Variants in AGBL4 observed in about 807,000 individuals in gnomAD.
The protein encoded by AGBL4 is cytosolic carboxypeptidase 6.
AGBL4 carries 58 observed loss-of-function variants against 66.4 expected under a neutral mutation model. The observed-to-expected ratio is 0.87, with a 90% CI of 0.71 to 1.09. AGBL4 has a LOEUF of 1.09. AGBL4 is among the 50% of genes least tolerant of loss of function. The probability of loss-of-function intolerance (pLI) is 0.00; values close to 1 mark genes in which losing one functional copy is unlikely to be tolerated. For synonymous variants in AGBL4, 234 were observed against 222.9 expected (o/e 1.05, Z -0.44); for missense variants, 579 against 631.0 (o/e 0.92, Z 0.88).
At chr1:49,718,858 CATAAA>C (rs1648370767) in intron 2 of AGBL4, among the ~76,000 whole-genome samples, 1 of 152,024 alleles carries the variant, frequency 6.6e-6, no homozygotes, top group Non-Finnish European at 1.5e-5. Flanking sequence ...AGAAAAACTA[CATAAA>C]ATAATTTATT....
At chr1:49,094,503 A>G (rs147570895) in intron 4 of AGBL4, among the ~76,000 whole-genome samples, 1 of 152,164 alleles carries the variant, frequency 6.6e-6, no homozygotes, top group East Asian at 1.9e-4. Context: ...TGATTTGCAG[A>G]TGTTGAACTA....
chr1:49,855,981 T>G (rs1201641667), intron 1 of AGBL4, among the ~76,000 whole-genome samples: 1 of 151,480 alleles, frequency 6.6e-6, no homozygotes, highest in East Asian at 1.9e-4. Flanking sequence ...AAAGATAAAA[T>G]CGATAAACTG....
intron 3 of AGBL4, among the ~76,000 whole-genome samples, chr1:49,385,186 C>T (rs1027813022): frequency 6.6e-6 from 1 of 151,988 alleles, no homozygotes; most frequent in Non-Finnish European, 1.5e-5. Flanking sequence ...TATAGAGCTG[C>T]GTTTTTCAAG....
At chr1:49,901,716 A>T (rs1227875285) in intron 1 of AGBL4, among the ~76,000 whole-genome samples, 1 of 152,226 alleles carries the variant, frequency 6.6e-6, no homozygotes, top group African/African-American at 2.4e-5. Context: ...ACCAAAAAAG[A>T]ATCCAAATAG....
chr1:49,710,501 T>A (rs1307932195), intron 2 of AGBL4, among the ~76,000 whole-genome samples: 1 of 152,116 alleles, frequency 6.6e-6, no homozygotes, highest in Admixed American at 6.6e-5. Flanking sequence ...GACAGGTTGA[T>A]GGGTGCAGCA....
intron 6 of AGBL4, among the ~76,000 whole-genome samples, chr1:48,823,332 C>A (rs1427955984): frequency 6.6e-6 from 1 of 152,160 alleles, no homozygotes; most frequent in Non-Finnish European, 1.5e-5. Context: ...AACCAACATC[C>A]CCTGCTAAGT....
At chr1:48,563,440 G>A (rs1440302639) in intron 11 of AGBL4, among the ~76,000 whole-genome samples, 5 of 152,082 alleles carry the variant, frequency 3.3e-5, no homozygotes, top group Non-Finnish European at 7.4e-5. Flanking sequence ...TAGAGAAAAA[G>A]AGGCAGAATG....
intron 3 of AGBL4, among the ~76,000 whole-genome samples, chr1:49,347,327 C>T (rs531105654): frequency 6.1e-4 from 91 of 149,516 alleles, no homozygotes; most frequent in South Asian, 1.5e-3. Flanking sequence ...TCTCAGCTCA[C>T]TGCAAGCTCT....
At chr1:49,270,844 T>C (rs1644042434) in intron 3 of AGBL4, among the ~76,000 whole-genome samples, 1 of 152,132 alleles carries the variant, frequency 6.6e-6, no homozygotes, top group Non-Finnish European at 1.5e-5. Flanking sequence ...AAAGGAGAGA[T>C]TTCTTATTCC....
At chr1:49,973,996 T>C (rs1225632025) in intron 1 of AGBL4, among the ~76,000 whole-genome samples, 1 of 152,092 alleles carries the variant, frequency 6.6e-6, no homozygotes, top group Non-Finnish European at 1.5e-5. Flanking sequence ...ATAACTTTTT[T>C]ATTACTATGG....
intron 2 of AGBL4, among the ~76,000 whole-genome samples, chr1:49,804,231 C>G (rs1169067440): frequency 6.6e-6 from 1 of 152,144 alleles, no homozygotes; most frequent in Non-Finnish European, 1.5e-5. Context: ...CCTTTGAATG[C>G]GAGGAATGTT....
chr1:49,453,872 A>T (rs568989490), intron 3 of AGBL4, among the ~76,000 whole-genome samples: 3 of 151,950 alleles, frequency 2.0e-5, no homozygotes, highest in African/African-American at 7.2e-5. Context: ...TCTAAGCAAG[A>T]GGCCAAGTGT....
chr1:48,886,525 T>G (rs551444544), intron 5 of AGBL4, among the ~76,000 whole-genome samples: 1 of 152,266 alleles, frequency 6.6e-6, no homozygotes, highest in East Asian at 1.9e-4. Flanking sequence ...ATTGGGCAGC[T>G]CAGCCGGCCA....
At chr1:48,670,116 C>T (rs367316) in intron 6 of AGBL4, among the ~76,000 whole-genome samples, 82,905 of 151,750 alleles carry the variant, frequency 0.55, 22,965 homozygotes, top group Middle Eastern at 0.65. Context: ...ATATCAGGCG[C>T]TGGGGACAGG....
At chr1:49,918,117 C>G (rs1222927561) in intron 1 of AGBL4, among the ~76,000 whole-genome samples, 1 of 152,006 alleles carries the variant, frequency 6.6e-6, no homozygotes, top group East Asian at 1.9e-4. Flanking sequence ...CACGAAATGC[C>G]AACAAGAGAA....
chr1:49,183,408 G>A (rs1475182485), intron 4 of AGBL4, among the ~76,000 whole-genome samples: 1 of 152,028 alleles, frequency 6.6e-6, no homozygotes, highest in African/African-American at 2.4e-5. Context: ...GTAGCAATTG[G>A]TCTCTTCATT....
At chr1:49,899,219 C>T (rs532644293) in intron 1 of AGBL4, among the ~76,000 whole-genome samples, 6 of 151,742 alleles carry the variant, frequency 4.0e-5, no homozygotes, top group African/African-American at 1.2e-4. Flanking sequence ...CATGCCTATA[C>T]CAAAATATCT....
intron 4 of AGBL4, among the ~76,000 whole-genome samples, chr1:49,060,519 G>A (rs1231097838): frequency 6.6e-6 from 1 of 152,104 alleles, no homozygotes; most frequent in African/African-American, 2.4e-5. Flanking sequence ...AACATGTGAG[G>A]AGCCACTGTT....
At chr1:49,784,314 GAA>G (rs1644402198) in intron 2 of AGBL4, among the ~76,000 whole-genome samples, 2 of 152,040 alleles carry the variant, frequency 1.3e-5, no homozygotes, top group African/African-American at 4.8e-5. Flanking sequence ...TGAGAGTCCA[GAA>G]ATAAATCCTT....
Sources: gnomAD v4.1 joint callset for allele counts (sites outside exome capture counted in the v4.1 genomes callset) on GRCh38, gnomAD v4.1.1 for gene constraint, MANE v1.5 for transcripts, NCBI Gene and HGNC (gene_info 2026-07-23, HGNC 2026-07-21) for gene names.